GPR176: variants seen among roughly 807,000 people sequenced by gnomAD.
GPR176 encodes the protein G protein-coupled receptor 176, also known as G-protein coupled receptor 176.
A neutral mutation model predicts 35.4 loss-of-function variants in GPR176; 26 were observed. The ratio of observed to expected loss-of-function variants is 0.74; its 90% CI spans 0.54 to 1.02. The LOEUF (loss-of-function observed/expected upper bound fraction) is 1.02. Among genes scored for constraint, GPR176 ranks in the 50% least tolerant of loss-of-function variants. The pLI is 0.00. For synonymous variants in GPR176, 278 were observed against 271.3 expected, an observed-to-expected ratio of 1.02 and a Z score of -0.24; for missense variants, 597 against 665.3, an observed-to-expected ratio of 0.90 and a Z score of 1.13.
Position 39,919,879 on chromosome 15 carries a change from C to A in GPR176, c.148G>T (p.Val50Phe). 6.7e-7 allele frequency: 1 copy of A among 1,482,916 alleles called. No individual in the cohort carries two copies. The highest frequency in any genetic ancestry group is 8.9e-7 in the Non-Finnish European group (1 of 1,118,256). The allele number at this position is 1,482,916 out of a possible 1,614,324, so 91.9% of individuals were successfully genotyped here. A position where few individuals can be genotyped will look rare whatever the true frequency, so the allele number is the denominator to read the frequency against. ...CCGAGCAGCGAGCCTATGAAGATGACGACCTGCACGGTGGTGGTGAACTGG... is the reference window on the plus strand; with the variant it reads ...CCGAGCAGCGAGCCTATGAAGATGAAGACCTGCACGGTGGTGGTGAACTGG... Reference protein sequence around the residue: ...YRQFTTTVQVVIFIGSLLGNF... With the variant: ...YRQFTTTVQVFIFIGSLLGNF... Residue 50 changes from valine to phenylalanine, a missense_variant, in exon 1 of 3, where the codon GTC (valine) becomes TTC (phenylalanine). Coordinates refer to ENST00000561100, the MANE Select transcript of GPR176 (RefSeq NM_007223.3).
intron 1 of GPR176, among the ~76,000 whole-genome samples, chr15:39,893,518 C>G (rs1595511972): frequency 6.6e-6 from 1 of 152,162 alleles, no homozygotes; most frequent in African/African-American, 2.4e-5. Flanking sequence ...TACACAGACA[C>G]GGCAACCATC....
At chr15:39,820,408 G>A (rs1456080869) in intron 1 of GPR176, among the ~76,000 whole-genome samples, 1 of 152,148 alleles carries the variant, frequency 6.6e-6, no homozygotes, top group Non-Finnish European at 1.5e-5. Context: ...CTCAATAAGA[G>A]AATGGAATAA....
intron 1 of GPR176, among the ~76,000 whole-genome samples, chr15:39,916,649 T>C (rs2140882604): frequency 6.6e-6 from 1 of 152,314 alleles, no homozygotes; most frequent in South Asian, 2.1e-4. Flanking sequence ...TTTAAATTTG[T>C]TTCAAGAGAA....
intron 1 of GPR176, among the ~76,000 whole-genome samples, chr15:39,859,491 GA>G (rs34571204): frequency 9.0e-5 from 13 of 143,732 alleles, no homozygotes; most frequent in Admixed American, 2.8e-4. Context: ...TGGCCACTGT[GA>G]AAAAAAAAAA....
chr15:39,836,877 T>C (rs1416560569), intron 1 of GPR176, among the ~76,000 whole-genome samples: 2 of 152,184 alleles, frequency 1.3e-5, no homozygotes, highest in African/African-American at 4.8e-5. Flanking sequence ...ACTGGATTCA[T>C]GGCAAATAAC....
Position 39,919,890 on chromosome 15 carries a change from G to A in GPR176, c.137C>T (p.Thr46Ile), listed in dbSNP as rs1008460921. Reference sequence around the variant, plus strand: ...GCCTATGAAGATGACGACCTGCACGGTGGTGGTGAACTGGCGGTACAGCTG... The same window carrying A: ...GCCTATGAAGATGACGACCTGCACGATGGTGGTGAACTGGCGGTACAGCTG... ...EAQLYRQFTT[T>I]VQVVIFIGSL... The change falls in exon 1 of 3, where the codon ACC (threonine) becomes ATC (isoleucine). Residue 46 changes from threonine (T) to isoleucine (I), a missense_variant. Physicochemically the swap from Thr to Ile is moderately conservative, Grantham distance 89. Coordinates refer to ENST00000561100, the MANE Select transcript of GPR176 (RefSeq NM_007223.3). The A allele has an allele frequency of 5.9e-6, 9 of 1,517,238 alleles. No homozygotes were observed. In the South Asian group the frequency reaches 1.2e-4, roughly 19 times the overall value. 94.0% of individuals were successfully genotyped at this position (1,517,238 alleles called of 1,614,324 possible). A position where few individuals can be genotyped will look rare whatever the true frequency, so the allele number is the denominator to read the frequency against.
Position 39,919,876 on chromosome 15 carries a change from T to C in GPR176, c.151A>G (p.Ile51Val). ...RQFTTTVQVV[I>V]FIGSLLGNFM... The stretch of plus-strand genomic sequence containing the variant: ...TTACCGAGCAGCGAGCCTATGAAGA[T>C]GACGACCTGCACGGTGGTGGTGAAC... The change falls in exon 1 of 3, where the codon ATC becomes GTC. Residue 51 changes from isoleucine to valine, a missense_variant. Coordinates refer to ENST00000561100, the MANE Select transcript of GPR176 (RefSeq NM_007223.3). 6.8e-7 allele frequency: 1 copy of C among 1,476,268 alleles called. No individual in the cohort carries two copies. 91.4% of individuals were successfully genotyped at this position (1,476,268 alleles called of 1,614,324 possible). A position where few individuals can be genotyped will look rare whatever the true frequency, so the allele number is the denominator to read the frequency against.
In GPR176 at chr15:39,801,105, G is replaced by A. The variant is rs765123224; in HGVS notation, c.*27C>T. Reference sequence around the variant, plus strand: ...TCTGGTGGGAATATGGAAGCTCCCCGTTGCTTCCAAGAATTTACAATCCTT... The same window carrying A: ...TCTGGTGGGAATATGGAAGCTCCCCATTGCTTCCAAGAATTTACAATCCTT... On this transcript the variant is annotated 3_prime_UTR_variant, in exon 3 of 3. Transcript: ENST00000561100. 15 of 1,557,692 alleles carry A rather than the reference G, an allele frequency of 9.6e-6. No homozygotes were observed. Among genetic ancestry groups the A allele is most frequent in the East Asian group, 6.8e-5 (3 of 44,440 alleles).
intron 1 of GPR176, among the ~76,000 whole-genome samples, chr15:39,838,848 G>A (rs140418287): frequency 6.6e-6 from 1 of 152,136 alleles, no homozygotes; most frequent in Admixed American, 6.6e-5. Flanking sequence ...TCAGGCAGGA[G>A]AAAGAAATAA....
At chr15:39,850,020 AG>A (rs1219862616) in intron 1 of GPR176, among the ~76,000 whole-genome samples, 1 of 152,158 alleles carries the variant, frequency 6.6e-6, no homozygotes, top group African/African-American at 2.4e-5. Flanking sequence ...AACATGGAAA[AG>A]GTATGGTAAA....
At chr15:39,817,067 T>TTAAAAAAAAAA (rs1417014250) in intron 1 of GPR176, among the ~76,000 whole-genome samples, 1 of 18,122 alleles carries the variant, frequency 5.5e-5, no homozygotes, top group Non-Finnish European at 1.0e-4. Flanking sequence ...GGATTCTGTC[T>TTAAAAAAAAAA]CAAAAAAAAA....
At chr15:39,877,131 A>G (rs1267854513) in intron 1 of GPR176, among the ~76,000 whole-genome samples, 2 of 152,138 alleles carry the variant, frequency 1.3e-5, no homozygotes, top group Non-Finnish European at 2.9e-5. Flanking sequence ...GAAACACCTA[A>G]AAAAATCCAT....
chr15:39,885,323 T>C (rs149281700), intron 1 of GPR176, among the ~76,000 whole-genome samples: 2 of 152,222 alleles, frequency 1.3e-5, no homozygotes, highest in Non-Finnish European at 2.9e-5. Flanking sequence ...AAGAAATATA[T>C]TTGTGCCCTT....
At chr15:39,898,507 G>C (rs1265056467) in intron 1 of GPR176, among the ~76,000 whole-genome samples, 6 of 152,194 alleles carry the variant, frequency 3.9e-5, no homozygotes, top group Non-Finnish European at 8.8e-5. Context: ...AGAATGAGAG[G>C]AGATAGCCAG....
At chr15:39,835,511 C>T (rs1424597094) in intron 1 of GPR176, among the ~76,000 whole-genome samples, 2 of 136,380 alleles carry the variant, frequency 1.5e-5, no homozygotes, top group African/African-American at 2.5e-5. Context: ...ATTATAGGAG[C>T]TCTGCCCCAA....
chr15:39,801,080 T>C lies in GPR176; in HGVS notation c.*52A>G. The C allele has an allele frequency of 3.4e-6, 5 of 1,450,660 alleles. No homozygotes were observed. The South Asian group carries it at 4.0e-5, about 12-fold the overall frequency. The allele number at this position is 1,450,660 out of a possible 1,614,324, so 89.9% of individuals were successfully genotyped here. On this transcript the variant is annotated 3_prime_UTR_variant, in exon 3 of 3. Coordinates refer to ENST00000561100, the MANE Select transcript of GPR176 (RefSeq NM_007223.3). ...TCACATGGCCACAGCATTCCCACAC[T>C]CTGGTGGGAATATGGAAGCTCCCCG...
chr15:39,856,941 T>C (rs35021776), intron 1 of GPR176, among the ~76,000 whole-genome samples: 44,063 of 152,048 alleles, frequency 0.29, 7,285 homozygotes, highest in Non-Finnish European at 0.39. Flanking sequence ...TATGTATTTA[T>C]TGGTTGAGTT....
At chr15:39,889,764 C>A (rs2032805412) in intron 1 of GPR176, among the ~76,000 whole-genome samples, 1 of 152,120 alleles carries the variant, frequency 6.6e-6, no homozygotes. Context: ...TGGTTCCCTA[C>A]TATATCCCTA....
At chr15:39,813,989 G>C (rs553452462) in intron 1 of GPR176, among the ~76,000 whole-genome samples, 8 of 152,108 alleles carry the variant, frequency 5.3e-5, no homozygotes, top group Non-Finnish European at 1.2e-4. Context: ...TGAGAAAGTT[G>C]GTGTCCCCAA....
Sources: gnomAD v4.1 joint callset for allele counts (sites outside exome capture counted in the v4.1 genomes callset) on GRCh38, gnomAD v4.1.1 for gene constraint, MANE v1.5 for transcripts, NCBI Gene and HGNC (gene_info 2026-07-23, HGNC 2026-07-21) for gene names.